Variants in ANKDD1B observed in about 807,000 individuals in gnomAD.
The protein encoded by ANKDD1B is ankyrin repeat and death domain-containing protein 1B.
ANKDD1B carries 57 observed loss-of-function variants against 59.7 expected under a neutral mutation model. That is an observed-to-expected ratio of 0.95 (90% CI 0.77 to 1.19). The LOEUF is 1.19. Ranked by LOEUF, ANKDD1B falls within the 50% of genes most tolerant of loss-of-function variation. The pLI is 0.00. For missense variants in ANKDD1B, 602 were observed against 641.9 expected, an observed-to-expected ratio of 0.94 and a Z score of 0.67; for synonymous variants, 216 against 239.5, an observed-to-expected ratio of 0.90 and a Z score of 0.91.
At chr5:75,649,889 C>A (rs1774782198) in intron 7 of ANKDD1B, among the ~76,000 whole-genome samples, 2 of 152,206 alleles carry the variant, frequency 1.3e-5, no homozygotes, top group African/African-American at 4.8e-5. Context: ...TTGTCCACCA[C>A]CACTGAAATG....
intron 5 of ANKDD1B, among the ~76,000 whole-genome samples, chr5:75,627,680 AG>A (rs1172445162): frequency 6.6e-6 from 1 of 152,250 alleles, no homozygotes; most frequent in Non-Finnish European, 1.5e-5. Context: ...CATTCAGTTC[AG>A]TTCAGCAGAT....
chr5:75,628,986 T>G (rs1349605990), intron 5 of ANKDD1B, among the ~76,000 whole-genome samples: 1 of 152,158 alleles, frequency 6.6e-6, no homozygotes, highest in Non-Finnish European at 1.5e-5. Flanking sequence ...TTACAAGAAT[T>G]TGGTGGTACA....
At chr5:75,620,092 C>T (rs1665898408) in intron 2 of ANKDD1B, among the ~76,000 whole-genome samples, 2 of 152,126 alleles carry the variant, frequency 1.3e-5, no homozygotes, top group Non-Finnish European at 2.9e-5. Context: ...CATCTTGCGG[C>T]GTGTCCTTCA....
At chr5:75,630,324 A>G (rs6882452) in intron 5 of ANKDD1B, among the ~76,000 whole-genome samples, 18,550 of 152,288 alleles carry the variant, frequency 0.12, 2,985 homozygotes, top group African/African-American at 0.37. Flanking sequence ...TCATTATGCT[A>G]TAATCTCATC....
intron 7 of ANKDD1B, among the ~76,000 whole-genome samples, chr5:75,641,754 T>C (rs912471631): frequency 2.6e-5 from 4 of 152,254 alleles, no homozygotes; most frequent in African/African-American, 9.6e-5. Context: ...TTTGATACCC[T>C]GTATTCTGCT....
At chr5:75,635,926 AGGGTTGG>A in intron 7 of ANKDD1B, 44 bp downstream of exon 7, 1 of 1,250,986 alleles carries the variant, frequency 8.0e-7, no homozygotes, top group South Asian at 1.4e-5. Context: ...TAAATGTGGA[AGGGTTGG>A]AGGAATGGCT....
At chr5:75,662,683 T>C (rs1264335771) in intron 10 of ANKDD1B, among the ~76,000 whole-genome samples, 2 of 152,070 alleles carry the variant, frequency 1.3e-5, no homozygotes, top group African/African-American at 4.8e-5. Flanking sequence ...GCTCTGTCCA[T>C]CTTGAGAAAA....
Position 75,671,134 on chromosome 5 carries a change from C to T in ANKDD1B, c.*94C>T, listed in dbSNP as rs1402916597. ...TTCTAGCAGTAGCACTGATTTTCAA[C>T]TATGATGATGGTGGTGACAGGGAAC... On this transcript the variant is annotated 3_prime_UTR_variant, in exon 14 of 14. Transcript: ENST00000601380. The T allele has an allele frequency of 6.3e-6, 3 of 479,700 alleles. No individual in the cohort carries two copies. The highest frequency in any genetic ancestry group is 2.0e-5 in the African/African-American group (1 of 49,998). The allele number at this position is 479,700 out of a possible 1,614,324, so 29.7% of individuals were successfully genotyped here.
intron 2 of ANKDD1B, 110 bp from the exon 3 acceptor site, chr5:75,620,205 C>A: frequency 1.7e-6 from 1 of 574,860 alleles, no homozygotes; most frequent in African/African-American, 1.9e-5. Context: ...TGGAGCCAAA[C>A]AATCAAAATA....
chr5:75,664,062 C>T (rs957154528), intron 11 of ANKDD1B, among the ~76,000 whole-genome samples: 1 of 152,246 alleles, frequency 6.6e-6, no homozygotes, highest in African/African-American at 2.4e-5. Context: ...CTGCAAGATT[C>T]AACTCCATGC....
Position 75,625,959 on chromosome 5 carries a change from T to A in ANKDD1B, c.600+4T>A. The A allele has an allele frequency of 6.5e-7, 1 of 1,530,228 alleles. No homozygotes were observed. The highest frequency in any genetic ancestry group is 1.2e-5 in the South Asian group (1 of 83,902). 94.8% of individuals were successfully genotyped at this position (1,530,228 alleles called of 1,614,324 possible). A position where few individuals can be genotyped will look rare whatever the true frequency, so the allele number is the denominator to read the frequency against. On this transcript the variant is annotated splice_donor_region_variant and intron_variant, in intron 5 of 13. Transcript: ENST00000601380. ...GGACCTGAACCAGCCTGATGAGGTG[T>A]GTTCACTTTGGTTGTGTAGGTCTTG...
chr5:75,624,358 C>T (rs554633966), intron 3 of ANKDD1B, among the ~76,000 whole-genome samples: 5 of 152,256 alleles, frequency 3.3e-5, no homozygotes, highest in East Asian at 3.9e-4. Context: ...ACTTAGGGCC[C>T]GGGGTGCAGA....
At chr5:75,657,412 A>G (rs1465195188) in intron 9 of ANKDD1B, among the ~76,000 whole-genome samples, 3 of 151,898 alleles carry the variant, frequency 2.0e-5, no homozygotes, top group Non-Finnish European at 2.9e-5. Flanking sequence ...GCAAAGAAAG[A>G]TAACTCTTCT....
intron 7 of ANKDD1B, among the ~76,000 whole-genome samples, chr5:75,644,160 C>A (rs1774571339): frequency 1.0e-5 from 1 of 95,794 alleles, no homozygotes; most frequent in Non-Finnish European, 1.8e-5. Flanking sequence ...AATGTAAAGA[C>A]CATCGAGACT....
chr5:75,663,391 T>C lies in ANKDD1B; in HGVS notation c.1096-3T>C, dbSNP rs1561451141. 3 of 1,535,674 alleles carry C rather than the reference T, an allele frequency of 2.0e-6. No individual in the cohort carries two copies. The highest frequency in any genetic ancestry group is 2.6e-6 in the Non-Finnish European group (3 of 1,146,476). ...CTGAATTTTTTTTCTTTTTTAATTT[T>C]AGCAAGGAAAGACTGCCCTGGCTGT... On this transcript the variant is annotated splice_polypyrimidine_tract_variant and splice_region_variant and intron_variant, in intron 10 of 13. Transcript: ENST00000601380.
At chr5:75,618,847 G>A (rs942418869) in intron 2 of ANKDD1B, among the ~76,000 whole-genome samples, 3 of 152,178 alleles carry the variant, frequency 2.0e-5, no homozygotes, top group African/African-American at 7.2e-5. Context: ...CTGGGTTCAA[G>A]CAATTCTCCT....
chr5:75,611,696 C>A lies in ANKDD1B; in HGVS notation c.62C>A (p.Ala21Asp), dbSNP rs966558134. The change falls in exon 1 of 14, where the codon GCT (alanine) becomes GAT (aspartate). Residue 21 changes from alanine to aspartate, a missense_variant. By Grantham distance (126) the Ala-to-Asp change is moderately radical. This residue lies in a region of ANKDD1B where 317 missense variants were observed against 304.6 expected (regional missense o/e 1.04). Coordinates refer to ENST00000601380, the MANE Select transcript of ANKDD1B (RefSeq NM_001276713.2). ...GATAGGLLLR[A>D]AAAAKGLRED... The stretch of plus-strand genomic sequence containing the variant: ...ACGGCAGGGGGGCTGCTGCTCCGGG[C>A]TGCTGCGGCCGCCAAGGGTCTCAGG... 1 of 1,231,828 alleles carries A rather than the reference C, an allele frequency of 8.1e-7. No homozygotes were observed. The highest frequency in any genetic ancestry group is 1.5e-5 in the African/African-American group (1 of 64,534). The allele number at this position is 1,231,828 out of a possible 1,614,324, so 76.3% of individuals were successfully genotyped here. A position where few individuals can be genotyped will look rare whatever the true frequency, so the allele number is the denominator to read the frequency against.
rs1418963275 is a variant in ANKDD1B at position 75,616,843 on chromosome 5, G to A, written c.233G>A (p.Ser78Asn). 4 of 1,532,526 alleles carry A rather than the reference G, an allele frequency of 2.6e-6. No individual in the cohort carries two copies. The highest frequency in any genetic ancestry group is 3.5e-6 in the Non-Finnish European group (4 of 1,144,090). 94.9% of individuals were successfully genotyped at this position (1,532,526 alleles called of 1,614,324 possible). Reference protein sequence around the residue: ...NERSFQNAAKSNNLDLMEKLF... With the variant: ...NERSFQNAAKNNNLDLMEKLF... ...AGAAGCTTTCAGAATGCTGCTAAAA[G>A]CAATAATTTGGATCTTATGGAGAAG... The change falls in exon 2 of 14, where the codon AGC (serine) becomes AAC (asparagine). Residue 78 changes from serine to asparagine, a missense_variant. Around this residue, in one of 3 missense-constraint regions of ANKDD1B, gnomAD observed 317 missense variants for 304.6 expected, o/e 1.04. Transcript: ENST00000601380.
intron 12 of ANKDD1B, 75 bp from the exon 13 acceptor site, chr5:75,669,177 G>A: frequency 8.2e-7 from 1 of 1,220,924 alleles, no homozygotes; most frequent in Non-Finnish European, 1.0e-6. Flanking sequence ...AGAAAGTTTA[G>A]TTGGAACTGA....
Sources: allele counts gnomAD v4.1 joint callset (sites outside exome capture counted in the v4.1 genomes callset), GRCh38; gene constraint gnomAD v4.1.1; regional missense constraint gnomAD v4.1.1; transcripts MANE v1.5; gene names NCBI Gene and HGNC (gene_info 2026-07-23, HGNC 2026-07-21).